The following AHNAK variants were observed in gnomAD, a reference collection of about 807,000 sequenced individuals.
AHNAK encodes the protein AHNAK nucleoprotein.
In AHNAK, 23 loss-of-function variants were observed where a neutral mutation model predicts 37.8. The ratio of observed to expected loss-of-function variants is 0.61; its 90% CI spans 0.44 to 0.86. AHNAK has a LOEUF of 0.86. AHNAK is among the 40% of genes least tolerant of loss of function. The pLI is 0.00. For missense variants in AHNAK, 7,411 were observed against 7,319.4 expected (o/e 1.01, Z -0.46); for synonymous variants, 2,481 against 2,636.3 (o/e 0.94, Z 1.80).
Position 62,526,255 on chromosome 11 carries a change from A to G in AHNAK, c.8162T>C (p.Val2721Ala), listed in dbSNP as rs774600976. Residue 2721 changes from valine (V) to alanine (A), a missense_variant, in exon 5 of 5, where the codon GTG becomes GCG. Physicochemically the swap from Val to Ala is moderately conservative, Grantham distance 64. Transcript: ENST00000378024. ...DIDLNLKGPK[V>A]KGDVDVSLPK... ...AAGGGAAACATCCACATCACCCTTC[A>G]CTTTGGGTCCTTTCAGGTTTAAGTC... 1 of 1,613,530 alleles carries G rather than the reference A, an allele frequency of 6.2e-7. No homozygotes were observed. The highest frequency in any genetic ancestry group is 1.1e-5 in the South Asian group (1 of 91,040).
At chr11:62,503,253 G>A (rs929989721) in intron 4 of AHNAK, among the ~76,000 whole-genome samples, 3 of 152,164 alleles carry the variant, frequency 2.0e-5, no homozygotes, top group Non-Finnish European at 4.4e-5. Flanking sequence ...AAGCCTCAGC[G>A]GACACACAGG....
At position 62,536,012 on chromosome 11, in the gene AHNAK, G is replaced by A. The variant is rs769499699; in HGVS notation, c.87C>T (p.Asp29=). The part of the protein sequence containing the change: ...GSHGLTIAQR[D]DGVFVQEVTQ... ...TCACCTCCTGCACAAAGACGCCGTC[G>A]TCCCTCTGGGCGATGGTCAGCCCGT... The change falls in exon 3 of 5, where the codon GAC becomes GAT. Residue 29 remains aspartate (D), a synonymous_variant. Coordinates refer to ENST00000378024, the MANE Select transcript of AHNAK (RefSeq NM_001620.3). 2.5e-5 allele frequency: 40 copies of A among 1,612,646 alleles called. No individual in the cohort carries two copies. The highest frequency in any genetic ancestry group is 5.3e-5 in the African/African-American group (4 of 74,842).
intron 4 of AHNAK, chr11:62,491,943 C>T (rs904197190): frequency 3.8e-5 from 36 of 935,312 alleles, no homozygotes; most frequent in Admixed American, 2.3e-4. Context: ...ACGTTTACCA[C>T]TACCACCCCC....
intron 5 of AHNAK, among the ~76,000 whole-genome samples, chr11:62,459,168 C>T (rs542206398): frequency 3.6e-4 from 55 of 152,286 alleles, no homozygotes; most frequent in East Asian, 3.9e-4. Context: ...AGCACTCATA[C>T]TTGGTAGTGG....
Position 62,517,732 on chromosome 11 carries a change from T to C in AHNAK, c.16685A>G (p.Lys5562Arg). ...SPESDFGINLKGPKIKGGADV... is the reference protein window; with the variant it reads ...SPESDFGINLRGPKIKGGADV... ...CGCACCTCCTTTGATTTTTGGGCCC[T>C]TCAAGTTGATGCCAAAATCTGACTC... Residue 5562 changes from lysine (K) to arginine (R), a missense_variant, in exon 5 of 5, where the codon AAG (lysine) becomes AGG (arginine). By Grantham distance (26) the Lys-to-Arg change is conservative. Transcript: ENST00000378024. The C allele has an allele frequency of 1.2e-6, 2 of 1,614,166 alleles. No homozygotes were observed.
At chr11:62,435,574 G>A (rs1938150285) in intron 5 of AHNAK, among the ~76,000 whole-genome samples, 1 of 152,042 alleles carries the variant, frequency 6.6e-6, no homozygotes, top group Non-Finnish European at 1.5e-5. Context: ...CACCTCGCCC[G>A]GCTAATTTTT....
rs755602715 is a variant in AHNAK, at chr11:62,536,077, G to A, written c.22C>T (p.Arg8Trp). 1.0e-5 allele frequency: 16 copies of A among 1,591,404 alleles called. No individual in the cohort carries two copies. The highest frequency in any genetic ancestry group is 2.8e-5 in the African/African-American group (2 of 71,908). MEKEETT[R>W]ELLLPNWQGS... The stretch of plus-strand genomic sequence containing the variant: ...TGCCAGTTGGGCAGCAGCAGCTCCC[G>A]GGTTGTCTCCTCCTTCTCCATCTGG... Residue 8 changes from arginine (R) to tryptophan (W), a missense_variant, in exon 3 of 5, where the codon CGG (arginine) becomes TGG (tryptophan). Transcript: ENST00000378024.
At position 62,531,489 on chromosome 11, in the gene AHNAK, T is replaced by C; in HGVS notation, c.2928A>G (p.Lys976=). The C allele has an allele frequency of 6.2e-7, 1 of 1,614,252 alleles. No homozygotes were observed. The highest frequency in any genetic ancestry group is 8.5e-7 in the Non-Finnish European group (1 of 1,180,044). The change falls in exon 5 of 5, where the codon AAA becomes AAG. Residue 976 remains lysine, a synonymous_variant. Transcript: ENST00000378024. ...MTVPKLEGDL[K]GPKVDVSAPD... is the part of the protein sequence containing the mutation. ...GGGCACTGACATCTACTTTTGGGCC[T>C]TTCAGGTCCCCTTCCAGCTTTGGCA...
intron 1 of AHNAK, among the ~76,000 whole-genome samples, chr11:62,546,298 C>A (rs1941310034): frequency 1.3e-5 from 2 of 152,216 alleles, no homozygotes; most frequent in African/African-American, 4.8e-5. Flanking sequence ...CGGAGCAGCC[C>A]CCGAGCCACC....
chr11:62,492,274 T>A (rs1001373469), intron 4 of AHNAK, among the ~76,000 whole-genome samples: 1 of 152,194 alleles, frequency 6.6e-6, no homozygotes, highest in Non-Finnish European at 1.5e-5. Flanking sequence ...GTATCTTTTC[T>A]CCAACAGCAT....
chr11:62,475,921 C>A (rs933031891), intron 5 of AHNAK, among the ~76,000 whole-genome samples: 1 of 152,100 alleles, frequency 6.6e-6, no homozygotes, highest in African/African-American at 2.4e-5. Context: ...CACTTGAAGG[C>A]GCATTTCTCG....
rs752277543 is a variant in AHNAK at position 62,529,431 on chromosome 11, C to G, written c.4986G>C (p.Leu1662Phe). ...TATCCCCTTTGACTTTGGGGCCTTTCAAGTGTAAGTCCACATCGGGCATGG... is the reference window on the plus strand; with the variant it reads ...TATCCCCTTTGACTTTGGGGCCTTTGAAGTGTAAGTCCACATCGGGCATGG... ...KISMPDVDLHLKGPKVKGDMD... is the reference protein window; with the variant it reads ...KISMPDVDLHFKGPKVKGDMD... Residue 1662 changes from leucine (L) to phenylalanine (F), a missense_variant, in exon 5 of 5, where the codon TTG becomes TTC. By Grantham distance (22) the Leu-to-Phe change is conservative. Coordinates refer to ENST00000378024, the MANE Select transcript of AHNAK (RefSeq NM_001620.3). 8.7e-6 allele frequency: 14 copies of G among 1,613,900 alleles called. No individual in the cohort carries two copies. In the South Asian group the frequency reaches 1.5e-4, roughly 18 times the overall value.
chr11:62,472,059 C>T (rs1211785728), intron 5 of AHNAK, among the ~76,000 whole-genome samples: 1 of 151,990 alleles, frequency 6.6e-6, no homozygotes, highest in Non-Finnish European at 1.5e-5. Context: ...GGAGGAAGCA[C>T]GCACAGCCCC....
rs769045307 is a variant in AHNAK at position 62,534,036 on chromosome 11, C to T, written c.381G>A (p.Thr127=). The T allele has an allele frequency of 6.4e-6, 10 of 1,572,170 alleles. No homozygotes were observed. Among genetic ancestry groups the T allele is most frequent in the South Asian group, 1.2e-5 (1 of 82,488 alleles). Residue 127 remains threonine (T), a synonymous_variant, in exon 5 of 5, where the codon ACG becomes ACA. Coordinates refer to ENST00000378024, the MANE Select transcript of AHNAK (RefSeq NM_001620.3). The part of the protein sequence containing the change: ...DDEEYQRIYT[T]KIKPRLKSED... ...CCGACTTCAGCCGTGGCTTGATCTTCGTGGTGTAGATGCGCTGGTACTCCT... is the reference window on the plus strand; with the variant it reads ...CCGACTTCAGCCGTGGCTTGATCTTTGTGGTGTAGATGCGCTGGTACTCCT...
Position 62,531,986 on chromosome 11 carries a change from T to C in AHNAK, c.2431A>G (p.Met811Val), listed in dbSNP as rs1462386725. 5.0e-6 allele frequency: 8 copies of C among 1,614,158 alleles called. No homozygotes were observed. The East Asian group carries it at 1.3e-4, about 27-fold the overall frequency. The change falls in exon 5 of 5, where the codon ATG (methionine) becomes GTG (valine). Residue 811 changes from methionine to valine, a missense_variant. Transcript: ENST00000378024. The part of the protein sequence containing the change: ...LKGPKFKMPE[M>V]NIKVPKISMP... ...GAGATCTTGGGGACTTTGATGTTCA[T>C]CTCAGGCATCTTAAACTTGGGCCCT... is the stretch of plus-strand genomic sequence containing the variant.
chr11:62,472,678 G>A (rs1440146732), intron 5 of AHNAK, among the ~76,000 whole-genome samples: 4 of 152,004 alleles, frequency 2.6e-5, no homozygotes, highest in African/African-American at 9.7e-5. Context: ...ACTCCTACAT[G>A]AGAACTACCA....
chr11:62,485,617 G>A (rs1453338026), intron 5 of AHNAK, among the ~76,000 whole-genome samples: 9 of 145,420 alleles, frequency 6.2e-5, no homozygotes, highest in Middle Eastern at 3.8e-3. Flanking sequence ...CAGGAGAATC[G>A]CTCAAACCTG....
intron 5 of AHNAK, among the ~76,000 whole-genome samples, chr11:62,480,148 G>GCCT (rs1939237021): frequency 6.6e-6 from 1 of 152,216 alleles, no homozygotes; most frequent in South Asian, 2.1e-4. Flanking sequence ...GCTGGGAGCA[G>GCCT]GCTGGACCCA....
chr11:62,500,480 C>T (rs548168019), intron 4 of AHNAK, among the ~76,000 whole-genome samples: 135 of 152,244 alleles, frequency 8.9e-4, no homozygotes, highest in Non-Finnish European at 1.5e-3. Context: ...CCTTCGTTAA[C>T]GATCAGAGTC....
Sources: gnomAD v4.1 joint callset for allele counts (sites outside exome capture counted in the v4.1 genomes callset) on GRCh38, gnomAD v4.1.1 for gene constraint, MANE v1.5 for transcripts, NCBI Gene and HGNC (gene_info 2026-07-23, HGNC 2026-07-21) for gene names.